Variants in FAM178B observed in about 807,000 individuals in gnomAD.
The protein encoded by FAM178B is protein FAM178B.
In FAM178B, 82 loss-of-function variants were observed where a neutral mutation model predicts 91.7. That is an observed-to-expected ratio of 0.89 (90% CI 0.75 to 1.07). FAM178B has a LOEUF of 1.07. Ranked by LOEUF, FAM178B falls within the 50% of genes least tolerant of loss-of-function variation. The pLI is 0.00. For missense variants in FAM178B, 769 were observed against 846.7 expected (o/e 0.91, Z 1.14); for synonymous variants, 368 against 359.4 (o/e 1.02, Z -0.27).
intron 1 of FAM178B, among the ~76,000 whole-genome samples, chr2:96,979,024 T>C (rs2082328005): frequency 6.9e-6 from 1 of 143,886 alleles, no homozygotes; most frequent in Non-Finnish European, 1.5e-5. Context: ...GTTGCCAGGC[T>C]GGAGTGCAGT....
intron 12 of FAM178B, among the ~76,000 whole-genome samples, chr2:96,919,643 ACAGGGAATCAGGAGG>A (rs964761811): frequency 6.6e-6 from 1 of 152,070 alleles, no homozygotes; most frequent in Non-Finnish European, 1.5e-5. Context: ...TCTGGGGAGA[ACAGGGAATCAGGAGG>A]CAGGGTCGGC....
chr2:96,876,288 C>T lies in FAM178B; in HGVS notation c.2028G>A (p.Trp676Ter). Residue 676 changes from tryptophan (W) to a stop codon, truncating the protein, a stop_gained, in exon 17 of 17, where the codon TGG (tryptophan) becomes TGA (stop). Transcript: ENST00000490605. LOFTEE classifies it high-confidence loss of function. ...CQPQAQYFSPWKDI is the reference protein window; with the variant it reads ...CQPQAQYFSP ...TGACCCTGTCCCTTTAGATGTCTTT[C>T]CAGGGGCTGAAATACTGGGCCTGCG... is the stretch of plus-strand genomic sequence containing the variant. 6.2e-7 allele frequency: 1 copy of T among 1,607,624 alleles called. No homozygotes were observed. The highest frequency in any genetic ancestry group is 2.2e-5 in the East Asian group (1 of 44,672).
intron 1 of FAM178B, among the ~76,000 whole-genome samples, chr2:96,976,615 C>T (rs946855335): frequency 9.1e-4 from 138 of 151,302 alleles, no homozygotes; most frequent in African/African-American, 3.2e-3. Context: ...GAGGCCAAGG[C>T]GGGCAAATCA....
chr2:96,910,008 G>A (rs963454965), intron 12 of FAM178B, among the ~76,000 whole-genome samples: 5 of 152,084 alleles, frequency 3.3e-5, no homozygotes, highest in East Asian at 1.9e-4. Flanking sequence ...CCTTCATGCC[G>A]AACCCAGCCT....
chr2:96,881,851 G>A (rs574015251), intron 14 of FAM178B, among the ~76,000 whole-genome samples: 4 of 152,208 alleles, frequency 2.6e-5, no homozygotes, highest in African/African-American at 9.6e-5. Flanking sequence ...TTTATAAGTT[G>A]TTTTTCCCAA....
chr2:96,899,413 C>T (rs1240477896), intron 13 of FAM178B, among the ~76,000 whole-genome samples: 1 of 152,164 alleles, frequency 6.6e-6, no homozygotes, highest in East Asian at 1.9e-4. Flanking sequence ...CAGCTAGTGT[C>T]TAATAAACAC....
At position 96,936,415 on chromosome 2, in the gene FAM178B, A is replaced by G. The variant is rs930485360; in HGVS notation, c.1079-7095T>C. ...ACGGGGTTTCACCATATTAGCCAGG[A>G]TGGTCTCGATCTCCCGACCTTGTGA... On this transcript the variant is annotated intron_variant, in intron 8 of 16. Coordinates refer to ENST00000490605, the MANE Select transcript of FAM178B (RefSeq NM_001122646.3). Among the ~76,000 whole-genome samples the G allele has an allele frequency of 8.0e-5, 12 of 150,198 alleles. No individual in the cohort carries two copies. The East Asian group carries it at 1.4e-3, about 17-fold the overall frequency.
At chr2:96,930,978 C>T (rs1344602936) in intron 8 of FAM178B, among the ~76,000 whole-genome samples, 1 of 152,182 alleles carries the variant, frequency 6.6e-6, no homozygotes, top group African/African-American at 2.4e-5. Context: ...TCTTGGACTT[C>T]CCAGCCTCCA....
At chr2:96,900,774 C>A (rs2080912077) in intron 13 of FAM178B, among the ~76,000 whole-genome samples, 1 of 152,014 alleles carries the variant, frequency 6.6e-6, no homozygotes, top group Non-Finnish European at 1.5e-5. Flanking sequence ...GCTCAGACAA[C>A]CCAACCCCAC....
At chr2:96,935,666 C>T (rs2081611619) in intron 8 of FAM178B, among the ~76,000 whole-genome samples, 1 of 151,276 alleles carries the variant, frequency 6.6e-6, no homozygotes, top group Non-Finnish European at 1.5e-5. Flanking sequence ...CGGAGTCTTG[C>T]TCTGTCACCC....
intron 14 of FAM178B, among the ~76,000 whole-genome samples, chr2:96,889,723 C>CA (rs112200731): frequency 0.25 from 33,854 of 135,644 alleles, 5,144 homozygotes; most frequent in South Asian, 0.67. Flanking sequence ...TAAATAAATA[C>CA]AAAAAAAAAT....
At chr2:96,912,374 G>A (rs2081173023) in intron 12 of FAM178B, among the ~76,000 whole-genome samples, 1 of 152,000 alleles carries the variant, frequency 6.6e-6, no homozygotes, top group African/African-American at 2.4e-5. Flanking sequence ...GGGGCACCTA[G>A]CACCCCCGAC....
At chr2:96,954,339 C>T (rs777094039) in intron 6 of FAM178B, among the ~76,000 whole-genome samples, 2 of 152,246 alleles carry the variant, frequency 1.3e-5, no homozygotes, top group African/African-American at 2.4e-5. Flanking sequence ...CCACCCTCGC[C>T]GCCCACTGGA....
intron 4 of FAM178B, 111 bp from the exon 5 acceptor site, chr2:96,967,738 C>T (rs1002047327): frequency 2.4e-5 from 17 of 721,136 alleles, no homozygotes; most frequent in Admixed American, 9.9e-5. Context: ...AGGGCTGCGC[C>T]GTCCTGGCTG....
At chr2:96,887,245 G>A (rs945201443) in intron 14 of FAM178B, among the ~76,000 whole-genome samples, 4 of 147,986 alleles carry the variant, frequency 2.7e-5, no homozygotes, top group East Asian at 2.1e-4. Context: ...ACAACAAACC[G>A]TTTGCAGAAA....
At chr2:96,908,205 A>T (rs750246546) in intron 12 of FAM178B, among the ~76,000 whole-genome samples, 1 of 152,202 alleles carries the variant, frequency 6.6e-6, no homozygotes, top group Non-Finnish European at 1.5e-5. Context: ...GAGCACACAG[A>T]GTGTGGACGG....
At chr2:96,904,263 G>C (rs541321223) in intron 12 of FAM178B, among the ~76,000 whole-genome samples, 3 of 152,306 alleles carry the variant, frequency 2.0e-5, no homozygotes, top group Non-Finnish European at 1.5e-5. Flanking sequence ...AGTCCTACGG[G>C]GGGGTGTTGT....
chr2:96,957,470 T>C (rs1452219724), intron 6 of FAM178B, among the ~76,000 whole-genome samples: 4 of 152,122 alleles, frequency 2.6e-5, no homozygotes. Context: ...CTGAGCCTCA[T>C]TAGCATATCT....
At chr2:96,878,834 G>T (rs1249738116) in intron 14 of FAM178B, among the ~76,000 whole-genome samples, 3 of 152,242 alleles carry the variant, frequency 2.0e-5, no homozygotes, top group African/African-American at 7.2e-5. Flanking sequence ...CGCACCTTCT[G>T]GGGAGAGGGG....
Sources: allele counts gnomAD v4.1 joint callset (sites outside exome capture counted in the v4.1 genomes callset), GRCh38; gene constraint gnomAD v4.1.1; transcripts MANE v1.5; gene names NCBI Gene and HGNC (gene_info 2026-07-23, HGNC 2026-07-21).